The following NFAT5 variants were observed in gnomAD, a reference collection of about 807,000 sequenced individuals.
NFAT5 encodes nuclear factor of activated T cells 5, also known as nuclear factor of activated T-cells 5.
NFAT5 carries 31 observed loss-of-function variants against 166.5 expected under a neutral mutation model. The observed-to-expected ratio is 0.19, with a 90% CI of 0.14 to 0.25. The LOEUF is 0.25. Ranked by LOEUF, NFAT5 falls within the 10% of genes least tolerant of loss-of-function variation. NFAT5 has a pLI of 1.00. For synonymous variants in NFAT5, 612 were observed against 639.7 expected (o/e 0.96, Z 0.65); for missense variants, 1,449 against 1,821.8 (o/e 0.80, Z 3.72).
At chr16:69,652,666 G>T (rs2035721349) in intron 4 of NFAT5, among the ~76,000 whole-genome samples, 1 of 152,068 alleles carries the variant, frequency 6.6e-6, no homozygotes, top group South Asian at 2.1e-4. Context: ...TACTGAGAAG[G>T]ATACTCAAAA....
intron 11 of NFAT5, among the ~76,000 whole-genome samples, chr16:69,686,583 G>T (rs575713994): frequency 3.3e-5 from 5 of 152,074 alleles, no homozygotes; most frequent in Non-Finnish European, 7.4e-5. Flanking sequence ...TTTAAATCAG[G>T]CTGGGCACGG....
intron 2 of NFAT5, among the ~76,000 whole-genome samples, chr16:69,597,009 G>A (rs887493166): frequency 3.9e-5 from 6 of 152,142 alleles, no homozygotes; most frequent in African/African-American, 1.4e-4. Flanking sequence ...AGGTGAACTT[G>A]CTATCAAAAT....
At chr16:69,598,550 AGAT>A in intron 2 of NFAT5, among the ~76,000 whole-genome samples, 2 of 152,288 alleles carry the variant, frequency 1.3e-5, no homozygotes, top group South Asian at 4.1e-4. Context: ...AAACAGTAGA[AGAT>A]AATAAGTTCA....
chr16:69,604,969 A>T (rs528495758), intron 2 of NFAT5, among the ~76,000 whole-genome samples: 1 of 152,278 alleles, frequency 6.6e-6, no homozygotes, highest in East Asian at 1.9e-4. Flanking sequence ...CATTCAGGTT[A>T]TTTCCACCTT....
At chr16:69,629,959 C>T (rs2034638213) in intron 3 of NFAT5, among the ~76,000 whole-genome samples, 1 of 148,120 alleles carries the variant, frequency 6.8e-6, no homozygotes, top group Admixed American at 6.8e-5. Flanking sequence ...TTTTTTTAAA[C>T]AGAGTCTCAC....
rs2037730286 is a variant in NFAT5 at position 69,695,428 on chromosome 16, T to C, written c.*8+49T>C. The C allele has an allele frequency of 2.3e-6, 3 of 1,329,180 alleles. No homozygotes were observed. In the African/African-American group the frequency reaches 4.3e-5, roughly 19 times the overall value. The allele number at this position is 1,329,180 out of a possible 1,614,324, so 82.3% of individuals were successfully genotyped here. On this transcript the variant is annotated intron_variant, in intron 14 of 14. Coordinates refer to ENST00000349945, the MANE Select transcript of NFAT5 (RefSeq NM_138713.4). ...TATTGAAAAGCATCAGATTTTATTC[T>C]TCTTAACAGATTTAGGTTAAGTAAT...
chr16:69,582,678 CTT>C (rs376463471), intron 2 of NFAT5, among the ~76,000 whole-genome samples: 1 of 136,248 alleles, frequency 7.3e-6, no homozygotes, highest in Non-Finnish European at 1.6e-5. Flanking sequence ...AGATGTATGG[CTT>C]TTTTTTTTTT....
chr16:69,601,701 A>C (rs2033141979), intron 2 of NFAT5, among the ~76,000 whole-genome samples: 1 of 152,200 alleles, frequency 6.6e-6, no homozygotes, highest in Non-Finnish European at 1.5e-5. Context: ...AAATTTAGTT[A>C]ATTAGCCAAT....
intron 7 of NFAT5, among the ~76,000 whole-genome samples, chr16:69,661,539 T>TAAAAAAAAAAAAAAAAAAAAA (rs1037382239): frequency 2.6e-5 from 1 of 37,934 alleles, no homozygotes; most frequent in African/African-American, 1.2e-4. Context: ...CCCAGTCTCT[T>TAAAAAAAAAAAAAAAAAAAAA]AAAAAAAAAA....
intron 7 of NFAT5, among the ~76,000 whole-genome samples, chr16:69,662,712 G>A (rs1597495844): frequency 1.3e-5 from 2 of 151,714 alleles, no homozygotes; most frequent in African/African-American, 2.4e-5. Flanking sequence ...TGCCTGCCTC[G>A]GCCTCCCAAA....
chr16:69,632,986 A>G (rs1015847644), intron 3 of NFAT5, among the ~76,000 whole-genome samples: 1 of 152,210 alleles, frequency 6.6e-6, no homozygotes, highest in Non-Finnish European at 1.5e-5. Context: ...TTAAATACAT[A>G]CACTTATACA....
rs183589067 is a variant in NFAT5 at position 69,694,040 on chromosome 16, T to C, written c.4215T>C (p.Ser1405=). 1.9e-6 allele frequency: 3 copies of C among 1,614,206 alleles called. No homozygotes were observed. The highest frequency in any genetic ancestry group is 2.2e-5 in the East Asian group (1 of 44,880). ...CATCCATGTCTGCCTTGCAGACCAG[T>C]ATAAATCAACAAGATATGCAACAGT... The part of the protein sequence containing the change: ...SPASMSALQT[S]INQQDMQQSP... The change falls in exon 13 of 15, where the codon AGT becomes AGC. Residue 1405 remains serine, a synonymous_variant. Coordinates refer to ENST00000349945, the MANE Select transcript of NFAT5 (RefSeq NM_138713.4).
At chr16:69,613,674 C>T (rs1320942936) in intron 2 of NFAT5, among the ~76,000 whole-genome samples, 1 of 152,204 alleles carries the variant, frequency 6.6e-6, no homozygotes, top group African/African-American at 2.4e-5. Context: ...CTCTGTGCTG[C>T]CTTCTCAGAT....
intron 2 of NFAT5, among the ~76,000 whole-genome samples, chr16:69,591,018 G>A (rs1307732601): frequency 1.3e-5 from 2 of 152,056 alleles, no homozygotes; most frequent in African/African-American, 4.8e-5. Context: ...TGCAACCTTC[G>A]TCTCCTGGGT....
At chr16:69,597,502 G>T (rs910620405) in intron 2 of NFAT5, among the ~76,000 whole-genome samples, 7 of 151,938 alleles carry the variant, frequency 4.6e-5, no homozygotes, top group African/African-American at 1.7e-4. Context: ...AGATTCTTTT[G>T]CTATCATTCC....
intron 2 of NFAT5, among the ~76,000 whole-genome samples, chr16:69,610,946 C>T (rs1416301571): frequency 6.6e-6 from 1 of 152,046 alleles, no homozygotes; most frequent in African/African-American, 2.4e-5. Context: ...GGACTGAAAG[C>T]TTTTTGGGAG....
chr16:69,626,426 A>G lies in NFAT5; in HGVS notation c.151A>G (p.Lys51Glu), dbSNP rs141097482. The change falls in exon 3 of 15, where the codon AAG becomes GAG. Residue 51 changes from lysine to glutamate, a missense_variant. Physicochemically the swap from Lys to Glu is moderately conservative, Grantham distance 56 (BLOSUM62 1). Transcript: ENST00000349945. Reference sequence around the variant, plus strand: ...AGAATCTGTCTATGATCTTCTCCCAAAGGAGTTACAGTTACCTCCATCTAG... The same window carrying G: ...AGAATCTGTCTATGATCTTCTCCCAGAGGAGTTACAGTTACCTCCATCTAG... ...LEESVYDLLP[K>E]ELQLPPSRET... The G allele has an allele frequency of 6.9e-5, 110 of 1,583,296 alleles. No individual in the cohort carries two copies. Among genetic ancestry groups the G allele is most frequent in the Non-Finnish European group, 8.9e-5 (104 of 1,167,238 alleles).
intron 6 of NFAT5, among the ~76,000 whole-genome samples, chr16:69,657,740 C>CA (rs2035945633): frequency 9.3e-6 from 1 of 107,054 alleles, no homozygotes; most frequent in Non-Finnish European, 1.8e-5. Context: ...GCCTGGGCAA[C>CA]AGAGCAAGAC....
intron 6 of NFAT5, among the ~76,000 whole-genome samples, chr16:69,656,693 C>A (rs1349542432): frequency 1.3e-5 from 2 of 152,104 alleles, no homozygotes; most frequent in African/African-American, 2.4e-5. Context: ...CTCAGGTAAT[C>A]CACACACCTT....
Sources: allele counts gnomAD v4.1 joint callset (sites outside exome capture counted in the v4.1 genomes callset), GRCh38; gene constraint gnomAD v4.1.1; transcripts MANE v1.5; gene names NCBI Gene and HGNC (gene_info 2026-07-23, HGNC 2026-07-21).